Variants in ST3GAL6 observed in about 807,000 individuals in gnomAD.
ST3GAL6 encodes the protein ST3 beta-galactoside alpha-2,3-sialyltransferase 6, also known as type 2 lactosamine alpha-2,3-sialyltransferase.
In ST3GAL6, 31 loss-of-function variants were observed where a neutral mutation model predicts 40.5. The ratio of observed to expected loss-of-function variants is 0.77; its 90% CI spans 0.58 to 1.03. The LOEUF is 1.03. ST3GAL6 is among the 50% of genes least tolerant of loss of function. The pLI is 0.00. For missense variants in ST3GAL6, 357 were observed against 393.2 expected, an observed-to-expected ratio of 0.91 and a Z score of 0.78; for synonymous variants, 129 against 136.9, an observed-to-expected ratio of 0.94 and a Z score of 0.40.
intron 1 of ST3GAL6, among the ~76,000 whole-genome samples, chr3:98,734,522 T>A (rs1935356653): frequency 6.6e-6 from 1 of 152,188 alleles, no homozygotes; most frequent in South Asian, 2.1e-4. Context: ...TCATTCCTTG[T>A]GATGTCGCTT....
intron 5 of ST3GAL6, among the ~76,000 whole-genome samples, chr3:98,781,737 G>A (rs1214808691): frequency 6.6e-6 from 1 of 152,144 alleles, no homozygotes; most frequent in Non-Finnish European, 1.5e-5. Flanking sequence ...ACAGAGGATT[G>A]GCCTACAGCC....
intron 5 of ST3GAL6, among the ~76,000 whole-genome samples, chr3:98,778,609 A>C (rs778415539): frequency 3.9e-5 from 6 of 152,338 alleles, no homozygotes; most frequent in African/African-American, 4.8e-5. Flanking sequence ...AAGGTATAGA[A>C]GTCTCAGTAC....
intron 9 of ST3GAL6, among the ~76,000 whole-genome samples, chr3:98,792,949 TA>T (rs1941333622): frequency 6.6e-6 from 1 of 152,198 alleles, no homozygotes. Flanking sequence ...TATTACTTGA[TA>T]AAAAGTATAT....
intron 1 of ST3GAL6, among the ~76,000 whole-genome samples, chr3:98,741,418 G>A (rs186326184): frequency 1.3e-4 from 20 of 152,188 alleles, no homozygotes; most frequent in Non-Finnish European, 2.4e-4. Flanking sequence ...GTTGTGGGAG[G>A]GGAATTGGGG....
chr3:98,790,171 G>A (rs1941072412), intron 8 of ST3GAL6, among the ~76,000 whole-genome samples: 4 of 149,744 alleles, frequency 2.7e-5, no homozygotes, highest in African/African-American at 7.4e-5. Context: ...ATATAGGATC[G>A]AAGAAGCGTG....
rs547921697 is a variant in ST3GAL6, at chr3:98,791,900, C to T, written c.816C>T (p.His272=). The stretch of plus-strand genomic sequence containing the variant: ...TCACATTGGCGTTTTACATATGTCA[C>T]GAAGTTCACCTAGCTGGTTTTAAAT... ...IAITLAFYIC[H]EVHLAGFKYN... The change falls in exon 9 of 10, where the codon CAC becomes CAT. Residue 272 remains histidine (H), a synonymous_variant. Coordinates refer to ENST00000483910, the MANE Select transcript of ST3GAL6 (RefSeq NM_001323368.2). 5.6e-5 allele frequency: 91 copies of T among 1,613,968 alleles called. No homozygotes were observed. Among genetic ancestry groups the T allele is most frequent in the Non-Finnish European group, 6.9e-5 (82 of 1,179,888 alleles).
chr3:98,767,133 A>G (rs561303654), intron 1 of ST3GAL6, among the ~76,000 whole-genome samples: 1 of 152,324 alleles, frequency 6.6e-6, no homozygotes, highest in Admixed American at 6.5e-5. Flanking sequence ...TAGCAGCAAG[A>G]ACCAACAGCT....
intron 1 of ST3GAL6, among the ~76,000 whole-genome samples, chr3:98,737,725 C>G (rs1174084165): frequency 6.6e-6 from 1 of 152,110 alleles, no homozygotes; most frequent in African/African-American, 2.4e-5. Flanking sequence ...TGGCATAAAA[C>G]CTGAAACCTC....
chr3:98,758,942 A>G (rs1027943064), upstream of ST3GAL6, among the ~76,000 whole-genome samples: 8 of 152,248 alleles, frequency 5.3e-5, no homozygotes, highest in Admixed American at 3.9e-4. Context: ...GCTGAAGTGT[A>G]AAAAGATTAG....
chr3:98,758,416 A>G (rs1937546838), upstream of ST3GAL6, among the ~76,000 whole-genome samples: 1 of 152,182 alleles, frequency 6.6e-6, no homozygotes, highest in Non-Finnish European at 1.5e-5. Context: ...TCAAAACATA[A>G]ATTTGAAATG....
intron 9 of ST3GAL6, 46 bp downstream of exon 9, chr3:98,792,039 C>T (rs1941254138): frequency 6.9e-7 from 1 of 1,459,630 alleles, no homozygotes; most frequent in Admixed American, 2.3e-5. Flanking sequence ...TTGGACTAAT[C>T]TTTGAGGGAT....
upstream of ST3GAL6, chr3:98,763,128 C>G: frequency 4.1e-6 from 4 of 985,322 alleles, no homozygotes; most frequent in Non-Finnish European, 3.6e-6. Context: ...ATGGCTGGGT[C>G]TGTGAGGCTT....
Position 98,770,925 on chromosome 3 carries a change from T to G in ST3GAL6, c.136T>G (p.Leu46Val). The change falls in exon 3 of 10, where the codon TTA becomes GTA. Residue 46 changes from leucine to valine, a missense_variant. Leu to Val is a conservative substitution (Grantham distance 32). Transcript: ENST00000483910. ...MKRRNKIQPC[L>V]SKPAFASLLR... ...ACGGAGAAATAAGATCCAGCCTTGT[T>G]TATCAAAGCCAGCTTTTGCCTCTCT... 1 of 1,614,176 alleles carries G rather than the reference T, an allele frequency of 6.2e-7. No individual in the cohort carries two copies. The highest frequency in any genetic ancestry group is 8.5e-7 in the Non-Finnish European group (1 of 1,180,004).
upstream of ST3GAL6, among the ~76,000 whole-genome samples, chr3:98,762,432 AT>A (rs1285131887): frequency 2.0e-5 from 3 of 152,172 alleles, no homozygotes; most frequent in Non-Finnish European, 4.4e-5. Flanking sequence ...TTCAGATTAA[AT>A]TTAGCCTTTT....
chr3:98,747,855 G>A (rs1410195902), intron 1 of ST3GAL6, among the ~76,000 whole-genome samples: 1 of 152,154 alleles, frequency 6.6e-6, no homozygotes, highest in African/African-American at 2.4e-5. Flanking sequence ...ATAAAAAGGG[G>A]ACTGACTATG....
chr3:98,747,181 G>T lies in ST3GAL6; in HGVS notation c.-12+14649G>T, dbSNP rs115199051. 5.5e-3 allele frequency among the ~76,000 whole-genome samples: 831 copies of T among 152,182 alleles called. 4 individuals are homozygous for T. The highest frequency in any genetic ancestry group is 0.019 in the African/African-American group (779 of 41,496). Reference sequence around the variant, plus strand: ...TTTGTTTATCTACTTTCTTCAATGCGCTCATTTTTTCAGCCCCGTCAGTAT... The same window carrying T: ...TTTGTTTATCTACTTTCTTCAATGCTCTCATTTTTTCAGCCCCGTCAGTAT... On this transcript the variant is annotated intron_variant, in intron 1 of 9. Transcript: ENST00000265261.
intron 2 of ST3GAL6, among the ~76,000 whole-genome samples, chr3:98,769,633 G>T (rs1477625762): frequency 6.6e-6 from 1 of 152,148 alleles, no homozygotes; most frequent in Non-Finnish European, 1.5e-5. Context: ...TGTCATCAGG[G>T]TTGAAGTGAC....
intron 1 of ST3GAL6, among the ~76,000 whole-genome samples, chr3:98,744,485 TG>T (rs534635715): frequency 4.9e-4 from 74 of 152,350 alleles, no homozygotes; most frequent in African/African-American, 1.6e-3. Context: ...GCTTACTCCC[TG>T]TCTGTGATGT....
upstream of ST3GAL6, among the ~76,000 whole-genome samples, chr3:98,762,093 C>T (rs982314090): frequency 3.3e-5 from 4 of 119,892 alleles, no homozygotes; most frequent in Non-Finnish European, 7.2e-5. Flanking sequence ...AGTGAAAGCA[C>T]TGGTGAAAGC....
Sources: gnomAD v4.1 joint callset for allele counts (sites outside exome capture counted in the v4.1 genomes callset) on GRCh38, gnomAD v4.1.1 for gene constraint, MANE v1.5 for transcripts, NCBI Gene and HGNC (gene_info 2026-07-23, HGNC 2026-07-21) for gene names.